Variants in ADAMTS17 observed in about 807,000 individuals in gnomAD.
ADAMTS17 encodes ADAM metallopeptidase with thrombospondin type 1 motif 17.
In ADAMTS17, 113 loss-of-function variants were observed where a neutral mutation model predicts 141.5. That is an observed-to-expected ratio of 0.80 (90% CI 0.69 to 0.93). ADAMTS17 has a LOEUF of 0.93. ADAMTS17 is among the 40% of genes least tolerant of loss of function. ADAMTS17 has a pLI of 0.00. For synonymous variants in ADAMTS17, 768 were observed against 630.6 expected, an observed-to-expected ratio of 1.22 and a Z score of -3.27; for missense variants, 1,659 against 1,517.9, an observed-to-expected ratio of 1.09 and a Z score of -1.54.
chr15:100,313,540 T>C (rs964838602), intron 3 of ADAMTS17, among the ~76,000 whole-genome samples: 1 of 152,168 alleles, frequency 6.6e-6, no homozygotes, highest in African/African-American at 2.4e-5. Flanking sequence ...AATAAATAAA[T>C]GTAGAATGAA....
At chr15:100,107,656 A>G (rs1374455634) in intron 14 of ADAMTS17, among the ~76,000 whole-genome samples, 1 of 152,090 alleles carries the variant, frequency 6.6e-6, no homozygotes, top group Non-Finnish European at 1.5e-5. Flanking sequence ...CAGGGCCCCC[A>G]TAAAAGAGAC....
intron 15 of ADAMTS17, among the ~76,000 whole-genome samples, chr15:100,090,952 G>A (rs1210882289): frequency 3.4e-5 from 5 of 145,506 alleles, no homozygotes; most frequent in East Asian, 2.2e-4. Context: ...AGGTTGCAAT[G>A]AGCCGAGATC....
chr15:100,006,199 C>A (rs1382120388), intron 18 of ADAMTS17, among the ~76,000 whole-genome samples: 2 of 152,128 alleles, frequency 1.3e-5, no homozygotes, highest in Non-Finnish European at 2.9e-5. Context: ...CAATTCAATC[C>A]ATACCACAAC....
chr15:99,998,148 C>A (rs1178665117), intron 18 of ADAMTS17, among the ~76,000 whole-genome samples: 1 of 152,122 alleles, frequency 6.6e-6, no homozygotes, highest in South Asian at 2.1e-4. Context: ...GACAAAGAAC[C>A]CCCCAGCCCA....
At chr15:100,211,143 A>T (rs113346913) in intron 7 of ADAMTS17, among the ~76,000 whole-genome samples, 1 of 101,276 alleles carries the variant, frequency 9.9e-6, no homozygotes, top group Non-Finnish European at 2.5e-5. Context: ...AATAAATAAA[A>T]ATACAAAAAT....
intron 8 of ADAMTS17, among the ~76,000 whole-genome samples, chr15:100,174,862 T>C (rs1046145868): frequency 1.3e-5 from 2 of 152,186 alleles, no homozygotes; most frequent in Non-Finnish European, 2.9e-5. Context: ...TAATGGGTCG[T>C]TAAGACAGGA....
intron 4 of ADAMTS17, among the ~76,000 whole-genome samples, chr15:100,268,402 T>C (rs2043793630): frequency 6.6e-6 from 1 of 152,210 alleles, no homozygotes. Flanking sequence ...ACTGAACTAA[T>C]TTACCTTCCC....
chr15:100,303,806 GCCT>G (rs560922653), intron 3 of ADAMTS17, among the ~76,000 whole-genome samples: 156 of 152,216 alleles, frequency 1.0e-3, no homozygotes, highest in African/African-American at 3.7e-3. Flanking sequence ...TGCAACCTCT[GCCT>G]CCTGGGAGGT....
At chr15:100,088,771 A>G (rs889759269) in intron 15 of ADAMTS17, among the ~76,000 whole-genome samples, 2 of 152,226 alleles carry the variant, frequency 1.3e-5, no homozygotes, top group African/African-American at 4.8e-5. Flanking sequence ...TGGTGCTGGA[A>G]AAACTGGCTA....
chr15:100,218,859 G>A (rs1031391963), intron 7 of ADAMTS17, among the ~76,000 whole-genome samples: 2 of 151,742 alleles, frequency 1.3e-5, no homozygotes, highest in African/African-American at 4.8e-5. Flanking sequence ...AAGTAAACAC[G>A]CACACGTCCA....
chr15:100,047,240 A>G (rs6598294), intron 18 of ADAMTS17, among the ~76,000 whole-genome samples: 15,146 of 105,228 alleles, frequency 0.14, 1,294 homozygotes, highest in East Asian at 0.27. Context: ...AGACGTTATC[A>G]ATGACAATGG....
intron 8 of ADAMTS17, among the ~76,000 whole-genome samples, chr15:100,182,911 T>C (rs941737434): frequency 6.6e-6 from 1 of 152,210 alleles, no homozygotes; most frequent in Non-Finnish European, 1.5e-5. Flanking sequence ...TTCACTTAAT[T>C]GGGATGTTTT....
At chr15:100,264,180 T>C (rs2043629665) in intron 4 of ADAMTS17, among the ~76,000 whole-genome samples, 1 of 152,222 alleles carries the variant, frequency 6.6e-6, no homozygotes, top group Non-Finnish European at 1.5e-5. Context: ...AACTAGCTGT[T>C]GTTTTCTTAA....
chr15:100,105,817 A>G lies in ADAMTS17; in HGVS notation c.2016+3172T>C, dbSNP rs191130476. 3.9e-5 allele frequency among the ~76,000 whole-genome samples: 6 copies of G among 152,170 alleles called. No individual in the cohort carries two copies. The East Asian group carries it at 1.2e-3, about 29-fold the overall frequency. ...ATTCTCCTGCTTTAGCCTCCTGAGT[A>G]GCTGGGATTACAGGCACCCATCACC... On this transcript the variant is annotated intron_variant, in intron 14 of 21. Transcript: ENST00000268070.
intron 7 of ADAMTS17, among the ~76,000 whole-genome samples, chr15:100,200,179 C>T (rs1419697373): frequency 1.3e-5 from 2 of 152,212 alleles, no homozygotes; most frequent in Non-Finnish European, 2.9e-5. Context: ...AAACCTGAAC[C>T]ACACACACCA....
intron 3 of ADAMTS17, chr15:100,305,989 T>G (rs898771669): frequency 6.4e-6 from 1 of 155,308 alleles, no homozygotes; most frequent in Non-Finnish European, 1.4e-5. Context: ...ACCACAGCTC[T>G]GACACCAAAG....
intron 3 of ADAMTS17, among the ~76,000 whole-genome samples, chr15:100,289,452 T>C (rs539400485): frequency 6.6e-5 from 10 of 152,230 alleles, no homozygotes; most frequent in African/African-American, 2.4e-4. Context: ...TTATGAAATA[T>C]GAAGGAGGAG....
intron 14 of ADAMTS17, among the ~76,000 whole-genome samples, chr15:100,108,233 G>A (rs1051425443): frequency 5.3e-5 from 8 of 151,568 alleles, no homozygotes; most frequent in South Asian, 2.1e-4. Flanking sequence ...AGGCAGTGGC[G>A]TGATCTCAGC....
chr15:100,046,544 G>A (rs111402844), intron 18 of ADAMTS17, among the ~76,000 whole-genome samples: 10 of 152,322 alleles, frequency 6.6e-5, no homozygotes, highest in East Asian at 5.8e-4. Context: ...AACCCCGAAC[G>A]GAGGGACCGG....
Sources: allele counts gnomAD v4.1 joint callset (sites outside exome capture counted in the v4.1 genomes callset), GRCh38; gene constraint gnomAD v4.1.1; transcripts MANE v1.5; gene names NCBI Gene and HGNC (gene_info 2026-07-23, HGNC 2026-07-21).